CNTN3: variants seen among roughly 807,000 people sequenced by gnomAD.
The protein encoded by CNTN3 is contactin-3.
Under a neutral mutation model 119.1 loss-of-function variants are expected in CNTN3, and 60 were observed. That is an observed-to-expected ratio of 0.50 (90% CI 0.41 to 0.62). The LOEUF (loss-of-function observed/expected upper bound fraction) is 0.62, where lower values mean the gene tolerates loss of function less well. Among genes scored for constraint, CNTN3 ranks in the 20% least tolerant of loss-of-function variants. The probability of loss-of-function intolerance (pLI) is 0.00; values close to 1 mark genes in which losing one functional copy is unlikely to be tolerated. For synonymous variants in CNTN3, 450 were observed against 438.7 expected (o/e 1.03, Z -0.32); for missense variants, 1,101 against 1,242.4 (o/e 0.89, Z 1.71).
chr3:74,430,984 G>T (rs962865363), intron 4 of CNTN3, among the ~76,000 whole-genome samples: 1 of 152,042 alleles, frequency 6.6e-6, no homozygotes, highest in Non-Finnish European at 1.5e-5. Context: ...CACAACATGG[G>T]GCCAGTATCT....
At chr3:74,471,949 A>G (rs1702573795) in intron 4 of CNTN3, among the ~76,000 whole-genome samples, 2 of 152,228 alleles carry the variant, frequency 1.3e-5, no homozygotes, top group African/African-American at 4.8e-5. Flanking sequence ...TCCGACACAC[A>G]GAAAAGGCTC....
At chr3:74,283,129 GA>G (rs1702047002) in intron 20 of CNTN3, among the ~76,000 whole-genome samples, 1 of 152,106 alleles carries the variant, frequency 6.6e-6, no homozygotes, top group Admixed American at 6.5e-5. Flanking sequence ...GGTATTAAAT[GA>G]GTGATGAAAT....
In CNTN3 at chr3:74,460,671, T is replaced by C. The variant is rs138907842; in HGVS notation, c.358+25785A>G. On this transcript the variant is annotated intron_variant, in intron 4 of 22. Coordinates refer to ENST00000263665, the MANE Select transcript of CNTN3 (RefSeq NM_020872.3). ...TTGCTGAATTCACTTAGTTTTAGGATACTTTTGTAGATTCCTTGGGATTTT... is the reference window on the plus strand; with the variant it reads ...TTGCTGAATTCACTTAGTTTTAGGACACTTTTGTAGATTCCTTGGGATTTT... Among the ~76,000 whole-genome samples the C allele has an allele frequency of 2.1e-3, 317 of 151,362 alleles. 2 individuals are homozygous for C. The highest frequency in any genetic ancestry group is 6.9e-3 in the African/African-American group (284 of 41,402).
chr3:74,289,753 G>T (rs974786276), intron 19 of CNTN3, among the ~76,000 whole-genome samples: 1 of 152,180 alleles, frequency 6.6e-6, no homozygotes, highest in Non-Finnish European at 1.5e-5. Context: ...TACAGCAACA[G>T]GGTAGCAGAG....
intron 13 of CNTN3, among the ~76,000 whole-genome samples, chr3:74,322,184 A>T (rs1056515129): frequency 2.6e-5 from 4 of 152,008 alleles, no homozygotes; most frequent in African/African-American, 9.6e-5. Flanking sequence ...AAAAAAAAAA[A>T]AAAAGATGTT....
chr3:74,352,529 T>C (rs1703840764), intron 11 of CNTN3, among the ~76,000 whole-genome samples: 1 of 152,222 alleles, frequency 6.6e-6, no homozygotes, highest in African/African-American at 2.4e-5. Flanking sequence ...CTTAATCGTA[T>C]AGTCTATTCC....
chr3:74,272,478 G>A lies in CNTN3; in HGVS notation c.2705-5100C>T, dbSNP rs551826585. ...TATTATATTGTTATGTTTCTTCAGA[G>A]CTTACAAAACTAGGAATAACTTTGC... On this transcript the variant is annotated intron_variant, in intron 20 of 22. Coordinates refer to ENST00000263665, the MANE Select transcript of CNTN3 (RefSeq NM_020872.3). Among the ~76,000 whole-genome samples, 565 of 152,256 alleles carry A rather than the reference G, an allele frequency of 3.7e-3. 3 individuals carry two copies. The highest frequency in any genetic ancestry group is 0.027 in the Middle Eastern group (8 of 294).
chr3:74,468,065 G>A (rs988161166), intron 4 of CNTN3, among the ~76,000 whole-genome samples: 1 of 152,156 alleles, frequency 6.6e-6, no homozygotes, highest in African/African-American at 2.4e-5. Flanking sequence ...CCAGCTTTGG[G>A]AAATATCTAA....
chr3:74,393,168 A>G (rs1704958299), intron 5 of CNTN3, among the ~76,000 whole-genome samples: 1 of 152,174 alleles, frequency 6.6e-6, no homozygotes, highest in African/African-American at 2.4e-5. Flanking sequence ...AACAGTCCAA[A>G]TTCGACTGAA....
chr3:74,412,529 A>C (rs909329703), intron 5 of CNTN3, among the ~76,000 whole-genome samples: 3 of 152,170 alleles, frequency 2.0e-5, no homozygotes, highest in African/African-American at 7.2e-5. Flanking sequence ...TTTATAAACC[A>C]TCCCCTTGAC....
At chr3:74,588,456 G>C (rs575119108) in intron 1 of CNTN3, among the ~76,000 whole-genome samples, 2,488 of 151,960 alleles carry the variant, frequency 0.016, 71 homozygotes, top group African/African-American at 0.057. Context: ...AAATAAAAGA[G>C]GATACAAACA....
At chr3:74,318,331 TC>T (rs1488040116) in intron 13 of CNTN3, among the ~76,000 whole-genome samples, 3 of 152,194 alleles carry the variant, frequency 2.0e-5, no homozygotes, top group Non-Finnish European at 4.4e-5. Flanking sequence ...TCTTCTTCTC[TC>T]AGCTCGTCAA....
intron 8 of CNTN3, among the ~76,000 whole-genome samples, chr3:74,366,671 T>G (rs1704195775): frequency 6.6e-6 from 1 of 151,312 alleles, no homozygotes; most frequent in Non-Finnish European, 1.5e-5. Context: ...AAAATTACTT[T>G]TTTATAAATG....
chr3:74,265,157 T>C (rs1343951324), intron 22 of CNTN3, among the ~76,000 whole-genome samples: 1 of 152,152 alleles, frequency 6.6e-6, no homozygotes, highest in African/African-American at 2.4e-5. Context: ...TTACACATAA[T>C]ATAAAACATA....
In CNTN3 at chr3:74,270,178, G is replaced by A. The variant is rs1034782534; in HGVS notation, c.2705-2800C>T. 3.9e-5 allele frequency among the ~76,000 whole-genome samples: 6 copies of A among 152,212 alleles called. No homozygotes were observed. In the South Asian group the frequency reaches 8.3e-4, roughly 21 times the overall value. The stretch of plus-strand genomic sequence containing the variant: ...TGTTGGCGTTGGCTATGGGACTTGT[G>A]GTTCCCTGCCTGTAAATAGGCATAA... On this transcript the variant is annotated intron_variant, in intron 20 of 22. Transcript: ENST00000263665.
At chr3:74,520,412 A>G (rs1454055595) in intron 2 of CNTN3, among the ~76,000 whole-genome samples, 2 of 151,406 alleles carry the variant, frequency 1.3e-5, no homozygotes, top group Admixed American at 6.6e-5. Flanking sequence ...AATAAAATAA[A>G]CAAAAAGTTA....
At chr3:74,335,049 A>G (rs1703358289) in intron 12 of CNTN3, 139 bp from the exon 13 acceptor site, 2 of 508,658 alleles carry the variant, frequency 3.9e-6, no homozygotes, top group Non-Finnish European at 6.8e-6. Flanking sequence ...TATATAATTA[A>G]AAGTATTCAA....
intron 4 of CNTN3, among the ~76,000 whole-genome samples, chr3:74,460,149 T>G (rs1182759043): frequency 6.6e-6 from 1 of 152,110 alleles, no homozygotes; most frequent in Non-Finnish European, 1.5e-5. Flanking sequence ...AACACAGTCT[T>G]GATAACTGTA....
intron 2 of CNTN3, among the ~76,000 whole-genome samples, chr3:74,509,461 C>A (rs1262737536): frequency 1.3e-5 from 2 of 152,112 alleles, no homozygotes; most frequent in Non-Finnish European, 2.9e-5. Flanking sequence ...TCATGCCCAA[C>A]TAATTTTTGT....
Sources: gnomAD v4.1 joint callset for allele counts (sites outside exome capture counted in the v4.1 genomes callset) on GRCh38, gnomAD v4.1.1 for gene constraint, MANE v1.5 for transcripts, NCBI Gene and HGNC (gene_info 2026-07-23, HGNC 2026-07-21) for gene names.